The following DOCK5 variants were observed in gnomAD, a reference collection of about 807,000 sequenced individuals.
DOCK5 encodes dedicator of cytokinesis 5.
DOCK5 carries 142 observed loss-of-function variants against 251.8 expected under a neutral mutation model. That is an observed-to-expected ratio of 0.56 (90% CI 0.49 to 0.65). The LOEUF is 0.65. Among genes scored for constraint, DOCK5 ranks in the 30% least tolerant of loss-of-function variants. The pLI, the probability that DOCK5 is intolerant of heterozygous loss-of-function variation, is 0.00. For synonymous variants in DOCK5, 842 were observed against 835.5 expected (o/e 1.01, Z -0.13); for missense variants, 2,111 against 2,312.3 (o/e 0.91, Z 1.79).
chr8:25,219,111 C>G (rs567052498), intron 1 of DOCK5, among the ~76,000 whole-genome samples: 2 of 152,282 alleles, frequency 1.3e-5, no homozygotes, highest in South Asian at 4.1e-4. Context: ...AGACGAGTAT[C>G]TGCTCTTCTA....
At position 25,336,249 on chromosome 8, in the gene DOCK5, A is replaced by G. The variant is rs758517754; in HGVS notation, c.2203A>G (p.Lys735Glu). 12 of 1,612,516 alleles carry G rather than the reference A, an allele frequency of 7.4e-6. No individual in the cohort carries two copies. Among genetic ancestry groups the G allele is most frequent in the Non-Finnish European group, 8.5e-6 (10 of 1,178,786 alleles). Residue 735 changes from lysine to glutamate, a missense_variant, in exon 22 of 52, where the codon AAG becomes GAG. By Grantham distance (56) the Lys-to-Glu change is moderately conservative. This residue lies in a region of DOCK5 where 1,717 missense variants were observed against 1,892.4 expected (regional missense o/e 0.91). Coordinates refer to ENST00000276440, the MANE Select transcript of DOCK5 (RefSeq NM_024940.8). The part of the protein sequence containing the change: ...SATLAYVKLS[K>E]VLNFYVANAD... ...TCTCATTCTTCTAAGGAAACTCTCC[A>G]AGGTACTGAACTTCTATGTGGCTAA...
chr8:25,213,609 C>A (rs1802157848), intron 1 of DOCK5, among the ~76,000 whole-genome samples: 1 of 152,156 alleles, frequency 6.6e-6, no homozygotes, highest in Non-Finnish European at 1.5e-5. Context: ...TAATTAGCAA[C>A]TGTCTTTGAA....
chr8:25,373,104 A>G (rs1800903536), intron 35 of DOCK5, among the ~76,000 whole-genome samples: 1 of 151,484 alleles, frequency 6.6e-6, no homozygotes, highest in Non-Finnish European at 1.5e-5. Flanking sequence ...GGATCAAGCA[A>G]TTTTCCTGCC....
intron 1 of DOCK5, among the ~76,000 whole-genome samples, chr8:25,199,764 A>G (rs940519846): frequency 6.6e-6 from 1 of 152,210 alleles, no homozygotes; most frequent in Non-Finnish European, 1.5e-5. Flanking sequence ...TGCAGAGACA[A>G]TCACTGTCAT....
intron 28 of DOCK5, among the ~76,000 whole-genome samples, chr8:25,360,416 G>A (rs1451160038): frequency 6.6e-6 from 1 of 152,116 alleles, no homozygotes; most frequent in African/African-American, 2.4e-5. Flanking sequence ...GGCGCAAGAG[G>A]CCCAGTATGG....
chr8:25,403,422 C>A, intron 47 of DOCK5, 136 bp from the exon 48 acceptor site: 1 of 851,394 alleles, frequency 1.2e-6, no homozygotes, highest in Non-Finnish European at 1.9e-6. Flanking sequence ...CAGGCACCAA[C>A]CAATCAGAAT....
chr8:25,304,601 G>A (rs1804853156), intron 11 of DOCK5: 2 of 365,450 alleles, frequency 5.5e-6, no homozygotes, highest in African/African-American at 4.2e-5. Flanking sequence ...AATGCAGAGA[G>A]GGTGCCGTCC....
In DOCK5 at chr8:25,400,991, G is replaced by A. The variant is rs202109835; in HGVS notation, c.4851G>A (p.Pro1617=). The part of the protein sequence containing the change: ...HGEKLTEQLK[P]LHERLSSCFR... ...AGAAACTCACAGAGCAGCTGAAGCC[G>A]CTGCATGAGCGGTTGTCTTCTTGCT... Residue 1617 remains proline (P), a synonymous_variant, in exon 47 of 52, where the codon CCG becomes CCA. Transcript: ENST00000276440. The A allele has an allele frequency of 4.2e-5, 67 of 1,614,022 alleles. No individual in the cohort carries two copies. The highest frequency in any genetic ancestry group is 1.3e-4 in the Admixed American group (8 of 60,028).
intron 2 of DOCK5, among the ~76,000 whole-genome samples, chr8:25,258,559 G>A (rs150353642): frequency 6.6e-5 from 10 of 152,268 alleles, no homozygotes; most frequent in South Asian, 2.1e-4. Context: ...CATTCTGGCC[G>A]TGTAGGCAGG....
chr8:25,199,372 G>A (rs1408935391), intron 1 of DOCK5, among the ~76,000 whole-genome samples: 3 of 136,638 alleles, frequency 2.2e-5, no homozygotes, highest in Non-Finnish European at 3.0e-5. Context: ...TTCCATTTCC[G>A]CTCTGTTCTT....
chr8:25,268,020 A>C (rs1377482969), intron 2 of DOCK5, among the ~76,000 whole-genome samples: 1 of 151,828 alleles, frequency 6.6e-6, no homozygotes, highest in Non-Finnish European at 1.5e-5. Flanking sequence ...ACACCACCAC[A>C]CCTGGCTAAT....
intron 26 of DOCK5, among the ~76,000 whole-genome samples, chr8:25,348,763 G>A (rs1800413646): frequency 6.6e-6 from 1 of 151,744 alleles, no homozygotes; most frequent in Non-Finnish European, 1.5e-5. Flanking sequence ...ACTTGAACCC[G>A]GGAGGCAGAG....
At chr8:25,395,841 CCTTCT>C in intron 45 of DOCK5, 122 bp downstream of exon 45, 2 of 1,197,438 alleles carry the variant, frequency 1.7e-6, no homozygotes, top group Non-Finnish European at 2.4e-6. Context: ...GTTCACTTTC[CCTTCT>C]GGCAAGTGAA....
At chr8:25,215,145 T>C (rs1802210109) in intron 1 of DOCK5, among the ~76,000 whole-genome samples, 1 of 152,076 alleles carries the variant, frequency 6.6e-6, no homozygotes. Context: ...TGGGATATGG[T>C]TCTTCAGGCC....
chr8:25,307,277 C>T (rs990826806), intron 11 of DOCK5, among the ~76,000 whole-genome samples: 18 of 152,182 alleles, frequency 1.2e-4, no homozygotes, highest in African/African-American at 4.3e-4. Flanking sequence ...TGCCATTACA[C>T]CCAGCTAATT....
At chr8:25,342,823 C>A (rs1290392798) in intron 25 of DOCK5, among the ~76,000 whole-genome samples, 1 of 95,602 alleles carries the variant, frequency 1.0e-5, no homozygotes, top group Admixed American at 1.3e-4. Context: ...CTCAGCCTCC[C>A]AAGTAGCTGG....
rs1417709459 is a variant in DOCK5, at chr8:25,292,163, A to G, written c.461A>G (p.His154Arg). The change falls in exon 6 of 52, where the codon CAT (histidine) becomes CGT (arginine). Residue 154 changes from histidine (H) to arginine (R), a missense_variant. Physicochemically the swap from His to Arg is conservative, Grantham distance 29. Transcript: ENST00000276440. ...LKKKVTAKID[H>R]GNRMLGLDLV... ...AAGAAAGTCACAGCCAAAATTGATCATGGGAACAGGTAGGTAAACCAGGGA... is the reference window on the plus strand; with the variant it reads ...AAGAAAGTCACAGCCAAAATTGATCGTGGGAACAGGTAGGTAAACCAGGGA... 1 of 1,577,498 alleles carries G rather than the reference A, an allele frequency of 6.3e-7. No individual in the cohort carries two copies.
intron 27 of DOCK5, among the ~76,000 whole-genome samples, chr8:25,357,373 CTTTT>C (rs397891518): frequency 8.6e-5 from 8 of 92,630 alleles, no homozygotes; most frequent in South Asian, 4.0e-4. Context: ...AAAAAATAAA[CTTTT>C]TTTTTTTTTT....
chr8:25,361,778 T>C (rs955569638), intron 28 of DOCK5, among the ~76,000 whole-genome samples: 13 of 151,998 alleles, frequency 8.6e-5, no homozygotes, highest in African/African-American at 2.9e-4. Context: ...GGAGAGTCAT[T>C]CCCCATGCCG....
Sources: gnomAD v4.1 joint callset for allele counts (sites outside exome capture counted in the v4.1 genomes callset) on GRCh38, gnomAD v4.1.1 for gene constraint, gnomAD v4.1.1 regional missense constraint, MANE v1.5 for transcripts, NCBI Gene and HGNC (gene_info 2026-07-23, HGNC 2026-07-21) for gene names.